SEC11A: variants seen among roughly 807,000 people sequenced by gnomAD.
SEC11A encodes SEC11 homolog A, signal peptidase complex subunit, also known as signal peptidase complex catalytic subunit SEC11A.
Under a neutral mutation model 25.6 loss-of-function variants are expected in SEC11A, and 14 were observed. That is an observed-to-expected ratio of 0.55 (90% CI 0.36 to 0.85). SEC11A has a LOEUF of 0.85. SEC11A is among the 40% of genes least tolerant of loss of function. The probability of loss-of-function intolerance (pLI) is 0.01; values close to 1 mark genes in which losing one functional copy is unlikely to be tolerated. For missense variants in SEC11A, 153 were observed against 222.9 expected (o/e 0.69, Z 2.00); for synonymous variants, 83 against 76.4 (o/e 1.09, Z -0.45).
chr15:84,675,458 G>A (rs746395306), intron 4 of SEC11A, among the ~76,000 whole-genome samples: 3 of 152,156 alleles, frequency 2.0e-5, no homozygotes, highest in East Asian at 1.9e-4. Flanking sequence ...TCTATATCTG[G>A]GAAGTCTGAA....
intron 4 of SEC11A, among the ~76,000 whole-genome samples, chr15:84,674,605 C>T (rs1162561579): frequency 1.3e-5 from 2 of 152,078 alleles, no homozygotes; most frequent in Admixed American, 1.3e-4. Flanking sequence ...GGCACCCAGG[C>T]TAGAATGCAG....
Position 84,680,783 on chromosome 15 carries a change from C to T in SEC11A, c.361G>A (p.Asp121Asn), listed in dbSNP as rs1897266143. The T allele has an allele frequency of 6.2e-7, 1 of 1,612,320 alleles. No homozygotes were observed. The highest frequency in any genetic ancestry group is 1.3e-5 in the African/African-American group (1 of 75,016). The part of the protein sequence containing the change: ...FLTKGDNNAV[D>N]DRGLYKQGQH... Reference sequence around the variant, plus strand: ...CCTTGTTTATAGAGGCCTCGGTCATCAACCGCATTATTATCTCCTTTGGTC... The same window carrying T: ...CCTTGTTTATAGAGGCCTCGGTCATTAACCGCATTATTATCTCCTTTGGTC... The change falls in exon 4 of 6, where the codon GAT becomes AAT. Residue 121 changes from aspartate to asparagine, a missense_variant. Physicochemically the swap from Asp to Asn is conservative, Grantham distance 23. Transcript: ENST00000268220.
chr15:84,696,785 C>G (rs1314048840), intron 1 of SEC11A, among the ~76,000 whole-genome samples: 1 of 152,104 alleles, frequency 6.6e-6, no homozygotes, highest in Non-Finnish European at 1.5e-5. Flanking sequence ...CCACAGTTCA[C>G]GTCTATTTTG....
intron 3 of SEC11A, among the ~76,000 whole-genome samples, chr15:84,683,659 G>A (rs541242530): frequency 6.6e-6 from 1 of 151,934 alleles, no homozygotes; most frequent in East Asian, 1.9e-4. Flanking sequence ...CGAGCAGCTG[G>A]GATTAAAGGC....
chr15:84,675,055 A>G (rs1897100381), intron 4 of SEC11A, among the ~76,000 whole-genome samples: 2 of 152,332 alleles, frequency 1.3e-5, no homozygotes, highest in Non-Finnish European at 2.9e-5. Context: ...GCTGATAATC[A>G]AGTGTATAAT....
chr15:84,680,663 C>A (rs1897263604), intron 4 of SEC11A, 50 bp downstream of exon 4: 8 of 1,507,464 alleles, frequency 5.3e-6, no homozygotes, highest in Middle Eastern at 3.7e-4. Context: ...ATTGAGAGGG[C>A]CACACTTCAA....
chr15:84,670,047 C>A lies in SEC11A; in HGVS notation c.512G>T (p.Gly171Val), dbSNP rs376219063. The A allele has an allele frequency of 6.2e-7, 1 of 1,613,348 alleles. No individual in the cohort carries two copies. The highest frequency in any genetic ancestry group is 2.2e-5 in the East Asian group (1 of 44,868). Residue 171 changes from glycine (G) to valine (V), a missense_variant, in exon 6 of 6, where the codon GGT becomes GTT. Gly to Val is a moderately radical substitution (Grantham distance 109). Coordinates refer to ENST00000268220, the MANE Select transcript of SEC11A (RefSeq NM_014300.4). ...KFKYAVLFLL[G>V]LFVLVHRE ...CTCACGATGAACCAGCACGAATAAA[C>A]CCAGCAAAAAGAGAACTGCATACTA...
chr15:84,714,294 G>A (rs536829032), intron 1 of SEC11A, among the ~76,000 whole-genome samples: 2 of 152,272 alleles, frequency 1.3e-5, no homozygotes, highest in East Asian at 3.9e-4. Flanking sequence ...GATTACAGGC[G>A]TGAGCCACCG....
chr15:84,713,177 G>C (rs890080261), intron 1 of SEC11A, among the ~76,000 whole-genome samples: 3 of 144,546 alleles, frequency 2.1e-5, no homozygotes, highest in Non-Finnish European at 4.5e-5. Context: ...CTGGGCAACA[G>C]AGTGAGACTC....
rs111945540 is a variant in SEC11A at position 84,700,700 on chromosome 15, G to A, written c.52-9056C>T. On this transcript the variant is annotated intron_variant, in intron 1 of 5. Coordinates refer to ENST00000268220, the MANE Select transcript of SEC11A (RefSeq NM_014300.4). ...TGGATGATAGAAAAAATATCCAGAG[G>A]CCAGGCGCGGTGGCTCACACCTGTA... Among the ~76,000 whole-genome samples, 746 of 148,648 alleles carry A rather than the reference G, an allele frequency of 5.0e-3. 7 individuals carry two copies. The highest frequency in any genetic ancestry group is 0.018 in the African/African-American group (710 of 40,512).
At position 84,669,857 on chromosome 15, in the gene SEC11A, CCACA is replaced by C; in HGVS notation, c.*158_*161del. On this transcript the variant is annotated 3_prime_UTR_variant, in exon 6 of 6. Transcript: ENST00000268220. ...CACTCTGTGGTGCACATGCGCCCGC[CCACA>C]CAAACTCTGGCATGGAAACATAAAC... 1 of 1,355,746 alleles carries C rather than the reference CCACA, an allele frequency of 7.4e-7. No individual in the cohort carries two copies. Among genetic ancestry groups the C allele is most frequent in the Non-Finnish European group, 1.0e-6 (1 of 983,242 alleles). The allele number at this position is 1,355,746 out of a possible 1,614,324, so 84.0% of individuals were successfully genotyped here.
intron 1 of SEC11A, among the ~76,000 whole-genome samples, chr15:84,710,734 T>G (rs1327357331): frequency 6.6e-6 from 1 of 152,160 alleles, no homozygotes; most frequent in African/African-American, 2.4e-5. Flanking sequence ...GTTTTAAAAT[T>G]TTAGGTTTTA....
chr15:84,670,451 C>A, intron 5 of SEC11A: 1 of 277,318 alleles, frequency 3.6e-6, no homozygotes. Flanking sequence ...ATTGACCAGG[C>A]TGTTCTCGAA....
chr15:84,704,628 T>TA (rs1898041849), intron 1 of SEC11A, among the ~76,000 whole-genome samples: 1 of 152,188 alleles, frequency 6.6e-6, no homozygotes, highest in African/African-American at 2.4e-5. Flanking sequence ...GGAAGCCTGA[T>TA]AGTGCTCACC....
chr15:84,697,601 T>C (rs1291205896), intron 1 of SEC11A, among the ~76,000 whole-genome samples: 3 of 152,222 alleles, frequency 2.0e-5, no homozygotes, highest in South Asian at 2.1e-4. Flanking sequence ...GATTGAAAAG[T>C]GTCATACTCT....
Position 84,706,576 on chromosome 15 carries a change from T to G in SEC11A, c.51+9449A>C, listed in dbSNP as rs150853616. ...GCAAGAAATTATGACCAATTTAGGT[T>G]CTTGCTGAGAGCAGAGAAAGAAAAC... On this transcript the variant is annotated intron_variant, in intron 1 of 5. Coordinates refer to ENST00000268220, the MANE Select transcript of SEC11A (RefSeq NM_014300.4). Among the ~76,000 whole-genome samples the G allele has an allele frequency of 9.2e-3, 1,396 of 152,290 alleles. 9 individuals carry two copies. The highest frequency in any genetic ancestry group is 0.012 in the Non-Finnish European group (829 of 68,018).
chr15:84,679,265 T>C, intron 4 of SEC11A: 1 of 1,268,380 alleles, frequency 7.9e-7, no homozygotes, highest in Non-Finnish European at 1.0e-6. Context: ...TGGGGACTAG[T>C]ATTTCTCAGA....
At chr15:84,697,596 A>T (rs1296796801) in intron 1 of SEC11A, among the ~76,000 whole-genome samples, 2 of 152,216 alleles carry the variant, frequency 1.3e-5, no homozygotes, top group South Asian at 2.1e-4. Context: ...CAAAAGATTG[A>T]AAAGTGTCAT....
chr15:84,701,124 G>A (rs911159335), intron 1 of SEC11A, among the ~76,000 whole-genome samples: 6 of 144,554 alleles, frequency 4.2e-5, no homozygotes, highest in Non-Finnish European at 9.0e-5. Context: ...CAAACTTGAA[G>A]TCATAACAAT....
Sources: allele counts gnomAD v4.1 joint callset (sites outside exome capture counted in the v4.1 genomes callset), GRCh38; gene constraint gnomAD v4.1.1; transcripts MANE v1.5; gene names NCBI Gene and HGNC (gene_info 2026-07-23, HGNC 2026-07-21).